Variants in MACROD2 observed in about 807,000 individuals in gnomAD.
The protein encoded by MACROD2 is mono-ADP ribosylhydrolase 2, also known as ADP-ribose glycohydrolase MACROD2.
Under a neutral mutation model 70.4 loss-of-function variants are expected in MACROD2, and 36 were observed. The ratio of observed to expected loss-of-function variants is 0.51; its 90% CI spans 0.39 to 0.68. The LOEUF (loss-of-function observed/expected upper bound fraction) is 0.68, where lower values mean the gene tolerates loss of function less well. MACROD2 is among the 30% of genes least tolerant of loss of function. The pLI is 0.00. For synonymous variants in MACROD2, 172 were observed against 178.8 expected, an observed-to-expected ratio of 0.96 and a Z score of 0.30; for missense variants, 496 against 538.4, an observed-to-expected ratio of 0.92 and a Z score of 0.78.
chr20:14,214,046 A>G (rs2081593329), intron 3 of MACROD2, among the ~76,000 whole-genome samples: 1 of 152,156 alleles, frequency 6.6e-6, no homozygotes, highest in Non-Finnish European at 1.5e-5. Context: ...GGGGAAGTAT[A>G]AAAAATTAAG....
At chr20:15,191,491 T>C (rs2076570012) in intron 5 of MACROD2, among the ~76,000 whole-genome samples, 1 of 148,956 alleles carries the variant, frequency 6.7e-6, no homozygotes, top group African/African-American at 2.6e-5. Context: ...AACTGTGTGC[T>C]GCAGCACAAG....
intron 8 of MACROD2, chr20:15,552,396 G>C (rs1005781892): frequency 2.0e-5 from 3 of 151,990 alleles, no homozygotes; most frequent in Non-Finnish European, 4.4e-5. Flanking sequence ...TCATTATTCC[G>C]CAATACTCCA....
intron 8 of MACROD2, among the ~76,000 whole-genome samples, chr20:15,672,714 G>A (rs1368975717): frequency 6.6e-6 from 1 of 152,150 alleles, no homozygotes; most frequent in African/African-American, 2.4e-5. Context: ...TGAGACAGAG[G>A]CCGTCTGCCC....
intron 3 of MACROD2, among the ~76,000 whole-genome samples, chr20:14,190,996 C>T (rs775755922): frequency 6.6e-6 from 1 of 152,022 alleles, no homozygotes; most frequent in African/African-American, 2.4e-5. Context: ...CGTGAGCCAC[C>T]GCGCCTGGCC....
intron 6 of MACROD2, among the ~76,000 whole-genome samples, chr20:15,308,692 T>C (rs1356216485): frequency 6.6e-6 from 1 of 152,172 alleles, no homozygotes; most frequent in Admixed American, 6.6e-5. Context: ...TTCATGATTG[T>C]TCTCAAGGGG....
chr20:15,353,345 A>C (rs2078249201), intron 6 of MACROD2, among the ~76,000 whole-genome samples: 1 of 152,216 alleles, frequency 6.6e-6, no homozygotes, highest in African/African-American at 2.4e-5. Flanking sequence ...CTTATACAAA[A>C]ATTAATTCCA....
intron 8 of MACROD2, among the ~76,000 whole-genome samples, chr20:15,816,703 C>T (rs1172422340): frequency 6.6e-6 from 1 of 152,186 alleles, no homozygotes; most frequent in Non-Finnish European, 1.5e-5. Flanking sequence ...TGACCCCAGG[C>T]AGCAGGACTT....
chr20:14,957,458 T>A (rs1446820014), intron 5 of MACROD2, among the ~76,000 whole-genome samples: 2 of 152,152 alleles, frequency 1.3e-5, no homozygotes, highest in Non-Finnish European at 2.9e-5. Flanking sequence ...AGGCTTCTAG[T>A]GGCAAAGTGA....
intron 4 of MACROD2, among the ~76,000 whole-genome samples, chr20:14,612,397 G>A (rs948091003): frequency 2.0e-5 from 3 of 152,046 alleles, no homozygotes; most frequent in African/African-American, 7.2e-5. Context: ...CTTTGTCATT[G>A]CCTTTAGGAC....
At chr20:15,598,089 A>G (rs1178855772) in intron 8 of MACROD2, among the ~76,000 whole-genome samples, 2 of 152,206 alleles carry the variant, frequency 1.3e-5, no homozygotes, top group African/African-American at 2.4e-5. Flanking sequence ...CAAAAAAATA[A>G]AAGAGTTGAG....
chr20:14,128,224 C>A, intron 3 of MACROD2: 1 of 355,548 alleles, frequency 2.8e-6, no homozygotes, highest in South Asian at 2.8e-5. Context: ...GCAGATCCCA[C>A]CTCATTTTTA....
chr20:14,661,294 A>T (rs962391041), intron 4 of MACROD2, among the ~76,000 whole-genome samples: 5 of 152,028 alleles, frequency 3.3e-5, no homozygotes, highest in African/African-American at 1.2e-4. Flanking sequence ...GCATCTCTCG[A>T]CATTTAGTGA....
At chr20:15,858,844 T>A (rs1054313985) in intron 8 of MACROD2, among the ~76,000 whole-genome samples, 2 of 152,178 alleles carry the variant, frequency 1.3e-5, no homozygotes, top group African/African-American at 2.4e-5. Context: ...ACAGCATCAT[T>A]TCTATCATAG....
chr20:15,699,144 G>A (rs112940146), intron 8 of MACROD2, among the ~76,000 whole-genome samples: 8 of 152,108 alleles, frequency 5.3e-5, no homozygotes, highest in Non-Finnish European at 8.8e-5. Flanking sequence ...ACTGGGGGGC[G>A]TTGAAGAGCC....
intron 6 of MACROD2, among the ~76,000 whole-genome samples, chr20:15,247,845 G>A (rs1377185970): frequency 6.6e-6 from 1 of 151,964 alleles, no homozygotes. Flanking sequence ...TTACAGACAA[G>A]CACCAGTAGG....
chr20:15,958,868 A>T (rs1299259002), intron 12 of MACROD2, among the ~76,000 whole-genome samples: 1 of 152,166 alleles, frequency 6.6e-6, no homozygotes, highest in East Asian at 1.9e-4. Context: ...ACGTGACCAG[A>T]AGGCGGCCAT....
At chr20:15,852,685 A>G (rs981622803) in intron 8 of MACROD2, among the ~76,000 whole-genome samples, 4 of 152,220 alleles carry the variant, frequency 2.6e-5, no homozygotes, top group African/African-American at 9.6e-5. Flanking sequence ...CACCATCTCC[A>G]CTATCAGCTT....
chr20:14,905,053 C>T (rs2073942456), intron 5 of MACROD2: 1 of 152,066 alleles, frequency 6.6e-6, no homozygotes, highest in African/African-American at 2.4e-5. Context: ...ACTAAAGCAG[C>T]TTTATTGTTG....
intron 10 of MACROD2, 125 bp downstream of exon 10, chr20:15,885,936 T>G: frequency 1.8e-6 from 2 of 1,099,572 alleles, no homozygotes; most frequent in Non-Finnish European, 2.4e-6. Context: ...TGCTCAGTGT[T>G]ATAAAATTAA....
Sources: allele counts gnomAD v4.1 joint callset (sites outside exome capture counted in the v4.1 genomes callset), GRCh38; gene constraint gnomAD v4.1.1; transcripts MANE v1.5; gene names NCBI Gene and HGNC (gene_info 2026-07-23, HGNC 2026-07-21).